The following COL24A1 variants were observed in gnomAD, a reference collection of about 807,000 sequenced individuals.
COL24A1 encodes the protein collagen type XXIV alpha 1 chain.
Under a neutral mutation model 253.9 loss-of-function variants are expected in COL24A1, and 224 were observed. That is an observed-to-expected ratio of 0.88 (90% CI 0.79 to 0.99). The LOEUF (loss-of-function observed/expected upper bound fraction) is 0.99. Ranked by LOEUF, COL24A1 falls within the 50% of genes least tolerant of loss-of-function variation. COL24A1 has a pLI of 0.00. For missense variants in COL24A1, 2,131 were observed against 2,068.5 expected (o/e 1.03, Z -0.59); for synonymous variants, 685 against 673.7 (o/e 1.02, Z -0.26).
intron 51 of COL24A1, 143 bp downstream of exon 51, chr1:85,783,353 T>C (rs767178928): frequency 3.3e-6 from 2 of 607,516 alleles, no homozygotes; most frequent in Non-Finnish European, 5.6e-6. Flanking sequence ...AAAGATTGAA[T>C]TCTGCATGTG....
intron 57 of COL24A1, among the ~76,000 whole-genome samples, chr1:85,741,235 G>A (rs1664604055): frequency 6.6e-6 from 1 of 151,950 alleles, no homozygotes; most frequent in East Asian, 1.9e-4. Flanking sequence ...TGCTTTCGTT[G>A]TCTGCTGTTT....
chr1:85,815,368 CTT>C (rs1488637326), intron 47 of COL24A1, among the ~76,000 whole-genome samples: 1 of 152,154 alleles, frequency 6.6e-6, no homozygotes, highest in Non-Finnish European at 1.5e-5. Flanking sequence ...AAATGAGTCT[CTT>C]TTAACCAGAC....
chr1:85,865,973 T>G (rs1387593001), intron 37 of COL24A1, among the ~76,000 whole-genome samples: 1 of 152,142 alleles, frequency 6.6e-6, no homozygotes, highest in Non-Finnish European at 1.5e-5. Flanking sequence ...TAAAGAAATT[T>G]CTTTAATGGC....
At chr1:85,776,205 T>A (rs1381569136) in intron 52 of COL24A1, among the ~76,000 whole-genome samples, 1 of 152,162 alleles carries the variant, frequency 6.6e-6, no homozygotes, top group Non-Finnish European at 1.5e-5. Context: ...CCATGGATTA[T>A]TTAGAAGTGT....
At chr1:85,987,801 GTTGT>G in intron 19 of COL24A1, 147 bp from the exon 20 acceptor site, 5 of 635,148 alleles carry the variant, frequency 7.9e-6, no homozygotes, top group Non-Finnish European at 1.4e-5. Context: ...AAGTTAGGCA[GTTGT>G]TTAACACTGG....
Position 85,744,520 on chromosome 1 carries a change from A to G in COL24A1, c.4672+146T>C, listed in dbSNP as rs1012999793. 5 of 631,122 alleles carry G rather than the reference A, an allele frequency of 7.9e-6. No homozygotes were observed. In the African/African-American group the frequency reaches 9.6e-5, roughly 12 times the overall value. The allele number at this position is 631,122 out of a possible 1,614,324, so 39.1% of individuals were successfully genotyped here. A position where few individuals can be genotyped will look rare whatever the true frequency, so the allele number is the denominator to read the frequency against. On this transcript the variant is annotated intron_variant, in intron 57 of 59. Transcript: ENST00000370571. ...CAGAATCATGTCTCCCTCATAGAGA[A>G]TTTTATTCTTGATGACATTAAAATG... is the stretch of plus-strand genomic sequence containing the variant.
intron 4 of COL24A1, among the ~76,000 whole-genome samples, chr1:86,114,045 C>T (rs1007952238): frequency 6.6e-6 from 1 of 151,472 alleles, no homozygotes; most frequent in African/African-American, 2.4e-5. Context: ...AACAGTGAGC[C>T]AAAACAATAG....
At chr1:86,018,641 A>G (rs187185058) in intron 18 of COL24A1, among the ~76,000 whole-genome samples, 228 of 152,326 alleles carry the variant, frequency 1.5e-3, no homozygotes, top group Admixed American at 4.3e-3. Flanking sequence ...GATCTTCAGA[A>G]TAATTCTTTG....
chr1:86,057,698 G>T (rs1302142359), intron 10 of COL24A1, among the ~76,000 whole-genome samples: 1 of 152,048 alleles, frequency 6.6e-6, no homozygotes, highest in African/African-American at 2.4e-5. Flanking sequence ...ATTCTAACAT[G>T]CCAGACATTA....
chr1:86,112,519 A>G lies in COL24A1; in HGVS notation c.1599+48T>C, dbSNP rs765340378. On this transcript the variant is annotated intron_variant, in intron 5 of 59. Transcript: ENST00000370571. Reference sequence around the variant, plus strand: ...GGATCTTCTTTTTAATATCAGGAAAATCAGGTGATACTCATTAGCTTAAGT... The same window carrying G: ...GGATCTTCTTTTTAATATCAGGAAAGTCAGGTGATACTCATTAGCTTAAGT... 9 of 1,516,166 alleles carry G rather than the reference A, an allele frequency of 5.9e-6. No homozygotes were observed. The South Asian group carries it at 1.1e-4, about 18-fold the overall frequency. The allele number at this position is 1,516,166 out of a possible 1,614,324, so 93.9% of individuals were successfully genotyped here.
At chr1:85,908,235 GATA>G (rs1218141447) in intron 27 of COL24A1, among the ~76,000 whole-genome samples, 1 of 151,632 alleles carries the variant, frequency 6.6e-6, no homozygotes, top group Non-Finnish European at 1.5e-5. Context: ...ATCTGGTTGT[GATA>G]ATATTTACAA....
chr1:85,945,015 T>TTTTTTTTTTTG (rs1558752341), intron 24 of COL24A1, among the ~76,000 whole-genome samples: 34 of 83,002 alleles, frequency 4.1e-4, no homozygotes, highest in South Asian at 6.3e-4. Flanking sequence ...TTTTTTTTTT[T>TTTTTTTTTTTG]TTTTTTTTTT....
intron 51 of COL24A1, among the ~76,000 whole-genome samples, chr1:85,783,028 A>C (rs1669297670): frequency 6.6e-6 from 1 of 152,130 alleles, no homozygotes; most frequent in Non-Finnish European, 1.5e-5. Context: ...TTTTGCAACT[A>C]TTTAAGCGGT....
intron 28 of COL24A1, among the ~76,000 whole-genome samples, chr1:85,901,788 G>A (rs1684321517): frequency 8.5e-6 from 1 of 117,430 alleles, no homozygotes; most frequent in Admixed American, 1.3e-4. Flanking sequence ...TTCCAGCCTG[G>A]GCAACAGGGT....
chr1:86,141,278 T>TGAGGC (rs1343744876), intron 2 of COL24A1, among the ~76,000 whole-genome samples: 1 of 152,176 alleles, frequency 6.6e-6, no homozygotes, highest in Non-Finnish European at 1.5e-5. Context: ...AATTCAGCAT[T>TGAGGC]GAGGCTTCAA....
intron 47 of COL24A1, among the ~76,000 whole-genome samples, chr1:85,807,488 GA>G (rs1672103025): frequency 6.6e-6 from 1 of 152,186 alleles, no homozygotes; most frequent in South Asian, 2.1e-4. Flanking sequence ...TGATGGAGTG[GA>G]ATCAGACTGT....
chr1:85,888,061 A>G (rs1257623475), intron 32 of COL24A1, among the ~76,000 whole-genome samples: 1 of 152,004 alleles, frequency 6.6e-6, no homozygotes, highest in Non-Finnish European at 1.5e-5. Flanking sequence ...AGTGAATAGT[A>G]TCATCAACTC....
intron 24 of COL24A1, among the ~76,000 whole-genome samples, chr1:85,927,560 C>G (rs560048259): frequency 1.6e-3 from 192 of 123,448 alleles, no homozygotes; most frequent in Middle Eastern, 3.8e-3. Context: ...CCAGGAAGCT[C>G]GAACTGGGTG....
chr1:86,050,059 AC>A (rs1231037712), intron 11 of COL24A1, 64 bp downstream of exon 11: 14 of 1,364,588 alleles, frequency 1.0e-5, no homozygotes, highest in African/African-American at 4.3e-5. Flanking sequence ...TGATTTTATG[AC>A]CCCCATTGTA....
Sources: allele counts gnomAD v4.1 joint callset (sites outside exome capture counted in the v4.1 genomes callset), GRCh38; gene constraint gnomAD v4.1.1; transcripts MANE v1.5; gene names NCBI Gene and HGNC (gene_info 2026-07-23, HGNC 2026-07-21).